The following ABCC5 variants were observed in gnomAD, a reference collection of about 807,000 sequenced individuals.
ABCC5 encodes ATP binding cassette subfamily C member 5.
Under a neutral mutation model 160.9 loss-of-function variants are expected in ABCC5, and 61 were observed. That is an observed-to-expected ratio of 0.38 (90% confidence interval 0.31 to 0.47). The LOEUF (loss-of-function observed/expected upper bound fraction) is 0.47, where lower values mean the gene tolerates loss of function less well. Among genes scored for constraint, ABCC5 ranks in the 20% least tolerant of loss-of-function variants. The pLI is 0.99. For synonymous variants in ABCC5, 666 were observed against 700.6 expected (o/e 0.95, Z 0.78); for missense variants, 1,308 against 1,813.3 (o/e 0.72, Z 5.06).
rs57885159 is a variant in ABCC5, at chr3:183,993,483, CAAAAAA to C, written c.130-4106_130-4101del. ...TGGGTGACAGAGCAAGACCCTGTCT[CAAAAAA>C]AAAAAAAAAAAAAAAGACAGGAACT... is the stretch of plus-strand genomic sequence containing the variant. On this transcript the variant is annotated intron_variant, in intron 2 of 29. Transcript: ENST00000334444. Among the ~76,000 whole-genome samples, 4 of 105,490 alleles carry C rather than the reference CAAAAAA, an allele frequency of 3.8e-5. No individual in the cohort carries two copies. The South Asian group carries it at 1.0e-3, about 27-fold the overall frequency. The allele number at this position is 105,490 out of a possible 152,430, so 69.2% of individuals were successfully genotyped here.
At chr3:183,972,524 A>C (rs549925973) in intron 10 of ABCC5, among the ~76,000 whole-genome samples, 2 of 152,364 alleles carry the variant, frequency 1.3e-5, no homozygotes, top group African/African-American at 4.8e-5. Context: ...GAGAGTTCAA[A>C]CAACCAAAGG....
At chr3:183,936,614 T>C (rs1713746379) in intron 26 of ABCC5, among the ~76,000 whole-genome samples, 1 of 151,998 alleles carries the variant, frequency 6.6e-6, no homozygotes, top group Admixed American at 6.6e-5. Flanking sequence ...TTCACACCAT[T>C]CTCCTGCCTC....
intron 2 of ABCC5, among the ~76,000 whole-genome samples, chr3:183,998,680 A>C (rs999112485): frequency 7.9e-5 from 8 of 101,498 alleles, no homozygotes; most frequent in African/African-American, 2.4e-4. Flanking sequence ...GTCAAAAAAA[A>C]CAAAAAAACA....
rs1397754759 is a variant in ABCC5 at position 183,982,866 on chromosome 3, G to A, written c.733C>T (p.Arg245Ter). 7 of 1,614,162 alleles carry A rather than the reference G, an allele frequency of 4.3e-6. No individual in the cohort carries two copies. The highest frequency in any genetic ancestry group is 1.1e-5 in the South Asian group (1 of 91,080). The part of the protein sequence containing the change: ...SLALTWALNY[R>*]TGVRLRGAIL... ...GCCCCCCGCAAGCGGACACCGGTTC[G>A]GTAATTCAATGCCCAAGTCAGTGCA... The change falls in exon 6 of 30, where the codon CGA (arginine) becomes TGA (stop). Residue 245 changes from arginine to a stop codon, truncating the protein, a stop_gained. Transcript: ENST00000334444. LOFTEE classifies it high-confidence loss of function. The surrounding 1 kb of genome is among the most constrained non-coding windows in gnomAD (Gnocchi z 5.2).
chr3:183,924,169 C>T (rs936980378), intron 29 of ABCC5, among the ~76,000 whole-genome samples: 1 of 152,074 alleles, frequency 6.6e-6, no homozygotes, highest in Admixed American at 6.6e-5. Context: ...CAGGTGTGTG[C>T]CACCACTCCT....
chr3:184,002,571 C>A (rs562259407), intron 2 of ABCC5, among the ~76,000 whole-genome samples: 1 of 152,236 alleles, frequency 6.6e-6, no homozygotes, highest in East Asian at 1.9e-4. Context: ...GACGCTTCTG[C>A]GGGCGCTAAC....
At position 183,920,786 on chromosome 3, in the gene ABCC5, GAA is replaced by G. The variant is rs2108749957; in HGVS notation, c.*512_*513del. On this transcript the variant is annotated 3_prime_UTR_variant, in exon 30 of 30. Coordinates refer to ENST00000334444, the MANE Select transcript of ABCC5 (RefSeq NM_005688.4). The surrounding 1 kb of genome is among the most constrained non-coding windows in gnomAD (Gnocchi z 4.1). ...CCACACGTCTTCCTTTGGACACCCAGAAAACCTGGCACCGTGAAACCACCAGC... is the reference window on the plus strand; with the variant it reads ...CCACACGTCTTCCTTTGGACACCCAGAACCTGGCACCGTGAAACCACCAGC... 2 of 152,604 alleles carry G rather than the reference GAA, an allele frequency of 1.3e-5. No homozygotes were observed. Among genetic ancestry groups the G allele is most frequent in the East Asian group, 3.9e-4 (2 of 5,178 alleles). The allele number at this position is 152,604 out of a possible 1,614,324, so 9.5% of individuals were successfully genotyped here.
intron 26 of ABCC5, among the ~76,000 whole-genome samples, chr3:183,936,198 C>T (rs1017430076): frequency 1.2e-4 from 18 of 152,076 alleles, no homozygotes; most frequent in Non-Finnish European, 2.5e-4. Context: ...GAGGAAAGGC[C>T]ACATGAGGAC....
chr3:183,949,982 T>G lies in ABCC5; in HGVS notation c.3088A>C (p.Ile1030Leu). 6.2e-7 allele frequency: 1 copy of G among 1,614,016 alleles called. No individual in the cohort carries two copies. Among genetic ancestry groups the G allele is most frequent in the Non-Finnish European group, 8.5e-7 (1 of 1,180,020 alleles). The stretch of plus-strand genomic sequence containing the variant: ...ACGCTTCCTATTTACCTGGAGACAA[T>G]GTGCAGGACTGAAAAGAGGATGACA... ...PLVILFSVLHIVSRVLIRELK... is the reference protein window; with the variant it reads ...PLVILFSVLHLVSRVLIRELK... Residue 1030 changes from isoleucine (I) to leucine (L), a missense_variant, in exon 21 of 30, where the codon ATT (isoleucine) becomes CTT (leucine). Transcript: ENST00000334444. This position sits in a 1 kb window ranked among gnomAD's most constrained non-coding sequence, Gnocchi z 4.2.
At position 183,974,653 on chromosome 3, in the gene ABCC5, T is replaced by C. The variant is rs145202523; in HGVS notation, c.1405-2734A>G. Among the ~76,000 whole-genome samples the C allele has an allele frequency of 9.8e-4, 150 of 152,312 alleles. 2 individuals are homozygous for C. In the East Asian group the frequency reaches 0.025, roughly 25 times the overall value. On this transcript the variant is annotated intron_variant, in intron 10 of 29. Transcript: ENST00000334444. ...GAAAAACAATAATAATTTTTCAGTA[T>C]AAGTATATTCCATGCAGTATTTCAC... is the stretch of plus-strand genomic sequence containing the variant.
At position 183,951,946 on chromosome 3, in the gene ABCC5, G is replaced by A. The variant is rs2108798012; in HGVS notation, c.2725C>T (p.Pro909Ser). 6.2e-7 allele frequency: 1 copy of A among 1,613,652 alleles called. No homozygotes were observed. The highest frequency in any genetic ancestry group is 8.5e-7 in the Non-Finnish European group (1 of 1,179,602). The change falls in exon 19 of 30, where the codon CCT becomes TCT. Residue 909 changes from proline to serine, a missense_variant. Coordinates refer to ENST00000334444, the MANE Select transcript of ABCC5 (RefSeq NM_005688.4). This position sits in a 1 kb window ranked among gnomAD's most constrained non-coding sequence, Gnocchi z 4.7. ...TSVSDSMKDNPHMQYYASIYA... is the reference protein window; with the variant it reads ...TSVSDSMKDNSHMQYYASIYA... Reference sequence around the variant, plus strand: ...ATGCTGGCATAGTACTGCATATGAGGATTGTCCTTCATGCTGTCACTCACC... The same window carrying A: ...ATGCTGGCATAGTACTGCATATGAGAATTGTCCTTCATGCTGTCACTCACC...
Position 183,981,778 on chromosome 3 carries a change from T to C in ABCC5, c.1096A>G (p.Lys366Glu). ...QKMNEVLTYI[K>E]FIKMYAWVKA... Reference sequence around the variant, plus strand: ...ACCCAGGCATACATTTTGATAAATTTAATGTAAGTAAGAACTTCATTCATC... The same window carrying C: ...ACCCAGGCATACATTTTGATAAATTCAATGTAAGTAAGAACTTCATTCATC... Residue 366 changes from lysine (K) to glutamate (E), a missense_variant, in exon 8 of 30, where the codon AAA becomes GAA. By Grantham distance (56) the Lys-to-Glu change is moderately conservative. Around this residue, in one of 3 missense-constraint regions of ABCC5, gnomAD observed 1,142 missense variants for 1,527.1 expected, o/e 0.75. Transcript: ENST00000334444. 2 of 1,610,036 alleles carry C rather than the reference T, an allele frequency of 1.2e-6. No individual in the cohort carries two copies. The highest frequency in any genetic ancestry group is 1.7e-6 in the Non-Finnish European group (2 of 1,179,018).
At chr3:183,961,883 G>A (rs558246930) in intron 15 of ABCC5, among the ~76,000 whole-genome samples, 3 of 152,200 alleles carry the variant, frequency 2.0e-5, no homozygotes, top group African/African-American at 7.2e-5. Flanking sequence ...GGGTTCAAGC[G>A]ATTCTCCTGC....
Position 183,921,001 on chromosome 3 carries a change from T to C in ABCC5, c.*299A>G, listed in dbSNP as rs1711915952. On this transcript the variant is annotated 3_prime_UTR_variant, in exon 30 of 30. Transcript: ENST00000334444. This position sits in a 1 kb window ranked among gnomAD's most constrained non-coding sequence, Gnocchi z 4.1. The stretch of plus-strand genomic sequence containing the variant: ...CTATGTACAGAATTATATATAGATA[T>C]AGCTACACGTATAAAGCTTCATTAT... 1 of 239,036 alleles carries C rather than the reference T, an allele frequency of 4.2e-6. No homozygotes were observed. Among genetic ancestry groups the C allele is most frequent in the Non-Finnish European group, 8.0e-6 (1 of 124,244 alleles). 14.8% of individuals were successfully genotyped at this position (239,036 alleles called of 1,614,324 possible).
chr3:183,947,292 G>T, intron 23 of ABCC5, 32 bp downstream of exon 23: 2 of 1,550,232 alleles, frequency 1.3e-6, no homozygotes, highest in Non-Finnish European at 1.7e-6. Flanking sequence ...GCTCAAACAA[G>T]CAAAGATGAC....
chr3:183,965,647 C>G (rs924080651), intron 12 of ABCC5, 146 bp from the exon 13 acceptor site: 1 of 1,049,600 alleles, frequency 9.5e-7, no homozygotes, highest in Admixed American at 2.5e-5. Context: ...ACCTTTAATT[C>G]CAAAGAGAGC....
At position 183,951,824 on chromosome 3, in the gene ABCC5, G is replaced by A; in HGVS notation, c.2814+33C>T. On this transcript the variant is annotated intron_variant, in intron 19 of 29. Transcript: ENST00000334444. This position sits in a 1 kb window ranked among gnomAD's most constrained non-coding sequence, Gnocchi z 4.7. ...CCAAAGCCTGACCACAGGTCACCAG[G>A]GAGGAGGGCAGAGACCACCCACCAA... 6.2e-7 allele frequency: 1 copy of A among 1,602,312 alleles called. No homozygotes were observed. Among genetic ancestry groups the A allele is most frequent in the Non-Finnish European group, 8.5e-7 (1 of 1,172,778 alleles).
chr3:183,949,618 T>C lies in ABCC5; in HGVS notation c.3227+135A>G. On this transcript the variant is annotated intron_variant, in intron 22 of 29. Transcript: ENST00000334444. This position sits in a 1 kb window ranked among gnomAD's most constrained non-coding sequence, Gnocchi z 4.2. ...GCAATTGGATTTTAATCAGAGATTA[T>C]TCCATTAAATCATGAATACCCTTGG... The C allele has an allele frequency of 8.7e-7, 1 of 1,144,216 alleles. No homozygotes were observed. Among genetic ancestry groups the C allele is most frequent in the South Asian group, 1.9e-5 (1 of 53,424 alleles). 70.9% of individuals were successfully genotyped at this position (1,144,216 alleles called of 1,614,324 possible). A position where few individuals can be genotyped will look rare whatever the true frequency, so the allele number is the denominator to read the frequency against.
chr3:183,932,110 G>C (rs1481872346), intron 26 of ABCC5, among the ~76,000 whole-genome samples: 3 of 152,178 alleles, frequency 2.0e-5, no homozygotes, highest in African/African-American at 4.8e-5. Flanking sequence ...CGGTATAGTA[G>C]AAAACACTGC....
Sources: gnomAD v4.1 joint callset for allele counts (sites outside exome capture counted in the v4.1 genomes callset) on GRCh38, gnomAD v4.1.1 for gene constraint, gnomAD v4.1.1 regional missense constraint, Gnocchi (gnomAD v3.1) non-coding constraint, MANE v1.5 for transcripts, NCBI Gene and HGNC (gene_info 2026-07-23, HGNC 2026-07-21) for gene names.